The following BCL2 variants were observed in gnomAD, a reference collection of about 807,000 sequenced individuals.
The protein encoded by BCL2 is BCL2 apoptosis regulator.
In BCL2, 1 loss-of-function variant was observed where a neutral mutation model predicts 14.2. The ratio of observed to expected loss-of-function variants is 0.07; its 90% confidence interval spans 0.02 to 0.33. The LOEUF (loss-of-function observed/expected upper bound fraction) is 0.33. BCL2 is among the 10% of genes least tolerant of loss of function. The pLI is 0.99. For synonymous variants in BCL2, 151 were observed against 137.2 expected (o/e 1.10, Z -0.70); for missense variants, 247 against 305.9 (o/e 0.81, Z 1.44).
At chr18:63,203,947 T>G (rs1909768537) in intron 2 of BCL2, among the ~76,000 whole-genome samples, 2 of 152,260 alleles carry the variant, frequency 1.3e-5, no homozygotes, top group South Asian at 4.1e-4. Flanking sequence ...TAATTCAGTT[T>G]ATATGCATTT....
At chr18:63,273,461 A>C (rs1912058876) in intron 2 of BCL2, among the ~76,000 whole-genome samples, 1 of 152,210 alleles carries the variant, frequency 6.6e-6, no homozygotes, top group African/African-American at 2.4e-5. Flanking sequence ...ATTTACACTT[A>C]CCAGCTGGGG....
At chr18:63,311,157 GTT>G (rs5825512) in intron 2 of BCL2, among the ~76,000 whole-genome samples, 67,825 of 151,762 alleles carry the variant, frequency 0.45, 16,692 homozygotes, top group Admixed American at 0.57. Context: ...AGAAGACTAA[GTT>G]TATGTGTCTC....
rs1913905636 is a variant in BCL2, at chr18:63,126,185, T to A, written c.*2440A>T. On this transcript the variant is annotated 3_prime_UTR_variant, in exon 3 of 3. Coordinates refer to ENST00000333681, the MANE Select transcript of BCL2 (RefSeq NM_000633.3). ...CTTAAAAATTAGAATCATTCAAAGG[T>A]CTGATCATTCTGTTCCCTGAGGCCC... is the stretch of plus-strand genomic sequence containing the variant. 4.6e-6 allele frequency: 1 copy of A among 215,604 alleles called. No individual in the cohort carries two copies. The highest frequency in any genetic ancestry group is 6.8e-5 in the East Asian group (1 of 14,652). The allele number at this position is 215,604 out of a possible 1,614,324, so 13.4% of individuals were successfully genotyped here.
At chr18:63,204,671 C>A (rs544105397) in intron 2 of BCL2, among the ~76,000 whole-genome samples, 1 of 152,282 alleles carries the variant, frequency 6.6e-6, no homozygotes, top group African/African-American at 2.4e-5. Context: ...ATGGAGTAAT[C>A]TGTTATGCAG....
At chr18:63,161,340 T>A (rs1914914699) in intron 2 of BCL2, among the ~76,000 whole-genome samples, 1 of 152,232 alleles carries the variant, frequency 6.6e-6, no homozygotes, top group African/African-American at 2.4e-5. Flanking sequence ...GAAAAAAATT[T>A]AGACTCAGCC....
chr18:63,193,579 T>C (rs1227493083), intron 2 of BCL2, among the ~76,000 whole-genome samples: 3 of 128,614 alleles, frequency 2.3e-5, no homozygotes, highest in Admixed American at 2.3e-4. Flanking sequence ...CGGAGTAGTA[T>C]GTATGTGTGT....
At chr18:63,288,815 C>T (rs1038214787) in intron 2 of BCL2, among the ~76,000 whole-genome samples, 1 of 152,082 alleles carries the variant, frequency 6.6e-6, no homozygotes, top group Non-Finnish European at 1.5e-5. Context: ...TTTACAATAA[C>T]TGTCTACTGT....
intron 2 of BCL2, among the ~76,000 whole-genome samples, chr18:63,192,861 T>C (rs916580349): frequency 5.9e-5 from 9 of 152,210 alleles, no homozygotes; most frequent in Admixed American, 3.3e-4. Flanking sequence ...ACAGATTCCA[T>C]ACTTCTGTGT....
chr18:63,307,477 TA>T (rs1319360608), intron 2 of BCL2, among the ~76,000 whole-genome samples: 1 of 152,220 alleles, frequency 6.6e-6, no homozygotes, highest in Non-Finnish European at 1.5e-5. Context: ...AGAAAACTAA[TA>T]ACCCCTTAAC....
intron 2 of BCL2, among the ~76,000 whole-genome samples, chr18:63,218,439 C>A (rs1910268782): frequency 6.6e-6 from 1 of 151,880 alleles, no homozygotes; most frequent in African/African-American, 2.4e-5. Context: ...TTCTTTCGTT[C>A]CTTCCCTTTT....
intron 2 of BCL2, among the ~76,000 whole-genome samples, chr18:63,248,866 G>A (rs1451481560): frequency 6.6e-6 from 1 of 152,224 alleles, no homozygotes; most frequent in Non-Finnish European, 1.5e-5. Context: ...ACTGGGTTGA[G>A]TCAATGCCCC....
At chr18:63,314,656 T>C (rs1599308752) in intron 2 of BCL2, 1 of 152,334 alleles carries the variant, frequency 6.6e-6, no homozygotes, top group Middle Eastern at 3.4e-3. Flanking sequence ...TGCCCAAAAC[T>C]CAATCCCTTG....
chr18:63,251,121 C>T (rs928735920), intron 2 of BCL2, among the ~76,000 whole-genome samples: 1 of 145,060 alleles, frequency 6.9e-6, no homozygotes, highest in African/African-American at 2.6e-5. Context: ...GAAGAAGGGT[C>T]ACACGGTTGA....
intron 2 of BCL2, among the ~76,000 whole-genome samples, chr18:63,293,272 C>A (rs1013138033): frequency 2.0e-5 from 3 of 152,236 alleles, no homozygotes; most frequent in African/African-American, 7.2e-5. Flanking sequence ...CACTGAACAT[C>A]TTAAACCAAA....
chr18:63,236,580 G>A (rs1241256455), intron 2 of BCL2, among the ~76,000 whole-genome samples: 1 of 152,222 alleles, frequency 6.6e-6, no homozygotes, highest in East Asian at 1.9e-4. Flanking sequence ...ACCACAGTTT[G>A]AGGAACACAA....
intron 2 of BCL2, among the ~76,000 whole-genome samples, chr18:63,134,161 A>G (rs1268540375): frequency 2.6e-5 from 4 of 152,230 alleles, no homozygotes; most frequent in Non-Finnish European, 4.4e-5. Context: ...GCATGAGGAC[A>G]TGGCATTTAA....
chr18:63,216,090 G>T (rs1910193156), intron 2 of BCL2, among the ~76,000 whole-genome samples: 1 of 152,050 alleles, frequency 6.6e-6, no homozygotes, highest in East Asian at 1.9e-4. Flanking sequence ...TAACAATAGG[G>T]CTGTGGTTTT....
chr18:63,317,504 T>G, intron 2 of BCL2: 2 of 966,164 alleles, frequency 2.1e-6, no homozygotes, highest in Non-Finnish European at 2.5e-6. Context: ...CAAACACAAC[T>G]AAGTTTTTCA....
chr18:63,293,495 G>A (rs750567205), intron 2 of BCL2, among the ~76,000 whole-genome samples: 2 of 152,196 alleles, frequency 1.3e-5, no homozygotes, highest in African/African-American at 2.4e-5. Flanking sequence ...TTAAAGGAAC[G>A]ACCAGCAAGA....
Sources: allele counts gnomAD v4.1 joint callset (sites outside exome capture counted in the v4.1 genomes callset), GRCh38; gene constraint gnomAD v4.1.1; transcripts MANE v1.5; gene names NCBI Gene and HGNC (gene_info 2026-07-23, HGNC 2026-07-21).